WDR49: variants seen among roughly 807,000 people sequenced by gnomAD.
WDR49 encodes the protein cilia- and flagella-associated protein 337.
WDR49 carries 107 observed loss-of-function variants against 119.5 expected under a neutral mutation model. The ratio of observed to expected loss-of-function variants is 0.90; its 90% CI spans 0.77 to 1.05. WDR49 has a LOEUF of 1.05. WDR49 is among the 50% of genes least tolerant of loss of function. The probability of loss-of-function intolerance (pLI) is 0.00; values close to 1 mark genes in which losing one functional copy is unlikely to be tolerated. For synonymous variants in WDR49, 425 were observed against 418.8 expected, an observed-to-expected ratio of 1.01 and a Z score of -0.18; for missense variants, 1,240 against 1,220.5, an observed-to-expected ratio of 1.02 and a Z score of -0.24.
chr3:167,613,791 A>G (rs1388890585), intron 5 of WDR49, among the ~76,000 whole-genome samples: 1 of 151,986 alleles, frequency 6.6e-6, no homozygotes, highest in African/African-American at 2.4e-5. Flanking sequence ...CAAGAAATAC[A>G]AAAATTAGCA....
intron 7 of WDR49, among the ~76,000 whole-genome samples, chr3:167,600,768 C>T (rs906041733): frequency 3.3e-5 from 5 of 152,032 alleles, no homozygotes; most frequent in African/African-American, 1.2e-4. Flanking sequence ...AGGCATCTGC[C>T]AATTAATAGA....
At chr3:167,541,502 A>T (rs1471431856) in intron 10 of WDR49, among the ~76,000 whole-genome samples, 1 of 152,018 alleles carries the variant, frequency 6.6e-6, no homozygotes, top group Non-Finnish European at 1.5e-5. Context: ...GAGAGTTAAC[A>T]ACTACCAAGC....
At chr3:167,569,518 T>G (rs1713805368) in intron 8 of WDR49, among the ~76,000 whole-genome samples, 1 of 152,030 alleles carries the variant, frequency 6.6e-6, no homozygotes, top group Non-Finnish European at 1.5e-5. Context: ...CCAAAAAAAG[T>G]TCCAATATAT....
chr3:167,633,406 T>G (rs1011517154), intron 2 of WDR49: 1 of 455,088 alleles, frequency 2.2e-6, no homozygotes, highest in Non-Finnish European at 4.4e-6. Flanking sequence ...AAGTAAAGTT[T>G]ACCTGTTCCC....
chr3:167,529,779 C>T (rs145472208), intron 13 of WDR49, among the ~76,000 whole-genome samples: 6 of 152,072 alleles, frequency 3.9e-5, no homozygotes, highest in African/African-American at 1.4e-4. Flanking sequence ...CATTGTAAAC[C>T]CTTATAAAAC....
chr3:167,556,789 G>A (rs1363432581), intron 9 of WDR49, among the ~76,000 whole-genome samples: 1 of 152,100 alleles, frequency 6.6e-6, no homozygotes, highest in Non-Finnish European at 1.5e-5. Flanking sequence ...CACTTTGGGA[G>A]GCTGAGGCGG....
At chr3:167,531,335 C>T in intron 12 of WDR49, 56 bp from the exon 13 acceptor site, 1 of 1,585,030 alleles carries the variant, frequency 6.3e-7, no homozygotes, top group Non-Finnish European at 8.6e-7. Flanking sequence ...GCTTTTCAAA[C>T]TAATGCCTAT....
chr3:167,585,706 TATA>T (rs1177283426), intron 7 of WDR49, among the ~76,000 whole-genome samples: 1 of 151,830 alleles, frequency 6.6e-6, no homozygotes, highest in Non-Finnish European at 1.5e-5. Flanking sequence ...GGATAATATA[TATA>T]ATAACATTAA....
chr3:167,554,286 A>T (rs1712780128), intron 10 of WDR49, among the ~76,000 whole-genome samples: 3 of 152,180 alleles, frequency 2.0e-5, no homozygotes, highest in African/African-American at 4.8e-5. Flanking sequence ...TGCAATTGAA[A>T]ATAAGTCATG....
chr3:167,588,686 T>A (rs1714947574), intron 7 of WDR49, among the ~76,000 whole-genome samples: 1 of 152,198 alleles, frequency 6.6e-6, no homozygotes, highest in Admixed American at 6.6e-5. Flanking sequence ...ATTTCTCTGA[T>A]AATAAATAAT....
At chr3:167,605,619 T>A (rs944655424) in intron 5 of WDR49, among the ~76,000 whole-genome samples, 2 of 152,134 alleles carry the variant, frequency 1.3e-5, no homozygotes, top group African/African-American at 4.8e-5. Flanking sequence ...AAATGTATAA[T>A]AGAATTTCAA....
chr3:167,492,974 C>G (rs1165341125), intron 18 of WDR49, among the ~76,000 whole-genome samples: 1 of 152,050 alleles, frequency 6.6e-6, no homozygotes, highest in Non-Finnish European at 1.5e-5. Context: ...CAATGTATTG[C>G]CCAAGCTTTT....
At chr3:167,642,386 A>G (rs1309440650) in intron 2 of WDR49, among the ~76,000 whole-genome samples, 1 of 152,024 alleles carries the variant, frequency 6.6e-6, no homozygotes, top group Non-Finnish European at 1.5e-5. Context: ...TATACATTAC[A>G]GAATAAAGCA....
intron 2 of WDR49, among the ~76,000 whole-genome samples, chr3:167,652,000 T>A (rs1338746187): frequency 6.6e-6 from 1 of 152,192 alleles, no homozygotes; most frequent in Non-Finnish European, 1.5e-5. Flanking sequence ...AAAGCTGTCA[T>A]AATCTGCTGT....
intron 10 of WDR49, among the ~76,000 whole-genome samples, chr3:167,545,509 TTA>T (rs141981277): frequency 2.4e-4 from 26 of 108,246 alleles, no homozygotes; most frequent in Non-Finnish European, 3.7e-4. Context: ...ATATTATATA[TTA>T]TATATATATA....
intron 16 of WDR49, among the ~76,000 whole-genome samples, chr3:167,511,226 T>A (rs1054757133): frequency 5.3e-5 from 8 of 152,184 alleles, no homozygotes; most frequent in African/African-American, 1.9e-4. Context: ...ATTAGTTTAA[T>A]TCCTAAATGA....
intron 2 of WDR49, among the ~76,000 whole-genome samples, chr3:167,631,254 C>T (rs926735100): frequency 8.6e-5 from 13 of 151,618 alleles, no homozygotes; most frequent in Admixed American, 2.6e-4. Context: ...TACCCTAGAA[C>T]TTAAAGTGTA....
At chr3:167,499,961 C>T (rs1751496133) in intron 18 of WDR49, among the ~76,000 whole-genome samples, 192 bp downstream of exon 18, 1 of 152,174 alleles carries the variant, frequency 6.6e-6, no homozygotes, top group Non-Finnish European at 1.5e-5. Context: ...TCATATATCC[C>T]AGCCTGTTGG....
Position 167,620,527 on chromosome 3 carries a change from G to C in WDR49, c.860C>G (p.Ala287Gly), listed in dbSNP as rs116711733. Residue 287 changes from alanine (A) to glycine (G), a missense_variant, in exon 5 of 19, where the codon GCC becomes GGC. Ala to Gly is a moderately conservative substitution (Grantham distance 60, BLOSUM62 0). Transcript: ENST00000682715. ...RPASACEDGE[A>G]TMTINWAELL... ...CTCTGCCCAGTTAATGGTCATAGTG[G>C]CTTCTCCATCTTCACATGCACTAGC... The C allele has an allele frequency of 3.9e-6, 6 of 1,535,840 alleles. No homozygotes were observed. The highest frequency in any genetic ancestry group is 5.2e-6 in the Non-Finnish European group (6 of 1,146,638).
Sources: allele counts gnomAD v4.1 joint callset (sites outside exome capture counted in the v4.1 genomes callset), GRCh38; gene constraint gnomAD v4.1.1; transcripts MANE v1.5; gene names NCBI Gene and HGNC (gene_info 2026-07-23, HGNC 2026-07-21).